Variants in CSNK2A2IP observed in about 807,000 individuals in gnomAD.
The protein encoded by CSNK2A2IP is casein kinase 2 subunit alpha' interacting protein, also known as casein kinase II subunit alpha'-interacting protein.
chr3:88,462,126 T>C, the CSNK2A2IP span, among the ~76,000 whole-genome samples: 3 of 149,688 alleles, frequency 2.0e-5, no homozygotes, highest in African/African-American at 7.3e-5. Flanking sequence ...TATATATATA[T>C]ATATATATAT....
At chr3:88,353,579 A>T in the CSNK2A2IP span, among the ~76,000 whole-genome samples, 1 of 152,216 alleles carries the variant, frequency 6.6e-6, no homozygotes, top group Non-Finnish European at 1.5e-5. Flanking sequence ...GGATGAGAGT[A>T]TTAAACTACT....
At chr3:88,353,607 A>G in the CSNK2A2IP span, among the ~76,000 whole-genome samples, 4 of 152,154 alleles carry the variant, frequency 2.6e-5, no homozygotes, top group African/African-American at 9.7e-5. Context: ...TAGGGGTTTT[A>G]TTGGATCTTA....
the CSNK2A2IP span, among the ~76,000 whole-genome samples, chr3:88,389,881 G>T: frequency 4.0e-5 from 6 of 150,226 alleles, no homozygotes; most frequent in African/African-American, 1.5e-4. Flanking sequence ...CAGCACAAGT[G>T]TTCTATAAAA....
At chr3:88,349,533 G>A in the CSNK2A2IP span, among the ~76,000 whole-genome samples, 40 of 152,046 alleles carry the variant, frequency 2.6e-4, no homozygotes, top group African/African-American at 8.4e-4. Flanking sequence ...TCCATTCATT[G>A]GTTGATGGGC....
At chr3:88,340,289 G>A in the CSNK2A2IP span, among the ~76,000 whole-genome samples, 1 of 151,886 alleles carries the variant, frequency 6.6e-6, no homozygotes, top group Non-Finnish European at 1.5e-5. Context: ...CTAGAGAAAG[G>A]AAACCTCCAA....
At chr3:88,459,743 T>G in the CSNK2A2IP span, among the ~76,000 whole-genome samples, 4 of 152,062 alleles carry the variant, frequency 2.6e-5, no homozygotes, top group African/African-American at 9.7e-5. Context: ...GTTTACAGAG[T>G]TTTATGAGAA....
the CSNK2A2IP span, chr3:88,466,753 G>C: frequency 9.4e-6 from 8 of 853,396 alleles, no homozygotes; most frequent in Non-Finnish European, 1.2e-5. Flanking sequence ...TCCTCATCCT[G>C]GTCCTCGCTT....
At chr3:88,411,637 G>C in the CSNK2A2IP span, among the ~76,000 whole-genome samples, 2 of 151,746 alleles carry the variant, frequency 1.3e-5, no homozygotes, top group African/African-American at 2.4e-5. Flanking sequence ...AATTCAGTTT[G>C]TGAAAAATTT....
the CSNK2A2IP span, among the ~76,000 whole-genome samples, chr3:88,441,025 C>G: frequency 6.6e-6 from 1 of 152,104 alleles, no homozygotes; most frequent in Non-Finnish European, 1.5e-5. Context: ...TCAAAGAGTT[C>G]AGAGGTGAAT....
the CSNK2A2IP span, among the ~76,000 whole-genome samples, chr3:88,350,600 GA>G: frequency 1.3e-3 from 143 of 111,546 alleles, 1 homozygote; most frequent in Middle Eastern, 4.8e-3. Flanking sequence ...CAAAGATGAT[GA>G]AAAAAAAAAA....
At chr3:88,466,216 A>G in the CSNK2A2IP span, 1 of 1,231,594 alleles carries the variant, frequency 8.1e-7, no homozygotes, top group South Asian at 4.1e-5. Flanking sequence ...ATTGAACTCT[A>G]ACCCCACTAT....
At chr3:88,373,556 T>G in the CSNK2A2IP span, among the ~76,000 whole-genome samples, 1 of 150,630 alleles carries the variant, frequency 6.6e-6, no homozygotes, top group East Asian at 1.9e-4. Flanking sequence ...TCAAAGCTTC[T>G]GCTTTCATGG....
At chr3:88,348,871 C>A in the CSNK2A2IP span, among the ~76,000 whole-genome samples, 2 of 151,984 alleles carry the variant, frequency 1.3e-5, no homozygotes, top group Non-Finnish European at 2.9e-5. Context: ...TACCACAGTC[C>A]TTTTATGCTT....
chr3:88,343,604 A>G, the CSNK2A2IP span, among the ~76,000 whole-genome samples: 1 of 151,970 alleles, frequency 6.6e-6, no homozygotes, highest in Non-Finnish European at 1.5e-5. Context: ...TTATTTTCTG[A>G]TAATAAAATA....
At chr3:88,365,516 C>T in the CSNK2A2IP span, among the ~76,000 whole-genome samples, 1 of 152,172 alleles carries the variant, frequency 6.6e-6, no homozygotes, top group Non-Finnish European at 1.5e-5. Flanking sequence ...AGGTCCTCAG[C>T]CTGCCATCAG....
At chr3:88,449,854 C>T in the CSNK2A2IP span, among the ~76,000 whole-genome samples, 8,275 of 81,954 alleles carry the variant, frequency 0.1, 564 homozygotes, top group Non-Finnish European at 0.16. Flanking sequence ...CACACACACA[C>T]ATATATATAT....
chr3:88,418,197 G>T, the CSNK2A2IP span, among the ~76,000 whole-genome samples: 9 of 152,102 alleles, frequency 5.9e-5, no homozygotes, highest in Admixed American at 1.3e-4. Flanking sequence ...AATTTCATTG[G>T]AATGTTTGAG....
chr3:88,450,539 T>C, the CSNK2A2IP span, among the ~76,000 whole-genome samples: 2 of 152,178 alleles, frequency 1.3e-5, no homozygotes, highest in Non-Finnish European at 2.9e-5. Context: ...GATCATACAA[T>C]AATTTTCTTT....
At chr3:88,399,928 C>A in the CSNK2A2IP span, 1 of 152,040 alleles carries the variant, frequency 6.6e-6, no homozygotes, top group African/African-American at 2.4e-5. Flanking sequence ...ACAGACAATG[C>A]ACAATAGAAT....
Sources: gnomAD v4.1 joint callset for allele counts (sites outside exome capture counted in the v4.1 genomes callset) on GRCh38, gnomAD v4.1.1 for gene constraint, MANE v1.5 for transcripts, NCBI Gene and HGNC (gene_info 2026-07-23, HGNC 2026-07-21) for gene names.